Variants in GLRX3 observed in about 807,000 individuals in gnomAD.
GLRX3 encodes glutaredoxin 3.
In GLRX3, 22 loss-of-function variants were observed where a neutral mutation model predicts 49.5. The observed-to-expected ratio is 0.44, with a 90% confidence interval of 0.32 to 0.63. The LOEUF (loss-of-function observed/expected upper bound fraction) is 0.63, where lower values mean the gene tolerates loss of function less well. Among genes scored for constraint, GLRX3 ranks in the 30% least tolerant of loss-of-function variants. The probability of loss-of-function intolerance (pLI) is 0.05; values close to 1 mark genes in which losing one functional copy is unlikely to be tolerated. For synonymous variants in GLRX3, 133 were observed against 140.0 expected, an observed-to-expected ratio of 0.95 and a Z score of 0.35; for missense variants, 385 against 396.3, an observed-to-expected ratio of 0.97 and a Z score of 0.24.
intron 1 of GLRX3, among the ~76,000 whole-genome samples, chr10:130,141,034 G>T (rs1862162601): frequency 6.6e-6 from 1 of 152,258 alleles, no homozygotes; most frequent in African/African-American, 2.4e-5. Flanking sequence ...TGAATATTAT[G>T]ATTTAAACAG....
rs376488540 is a variant in GLRX3 at position 130,139,984 on chromosome 10, C to G, written c.92+3472C>G. 5.3e-5 allele frequency among the ~76,000 whole-genome samples: 8 copies of G among 152,194 alleles called. No homozygotes were observed. In the East Asian group the frequency reaches 5.8e-4, roughly 11 times the overall value. On this transcript the variant is annotated intron_variant, in intron 1 of 10. Transcript: ENST00000331244. ...TTGTGTTGATGTAATAATTTTAAAT[C>G]TACTTTCCAAATCATCGCTTCTCCA... is the stretch of plus-strand genomic sequence containing the variant.
At chr10:130,140,138 G>T (rs1862146881) in intron 1 of GLRX3, among the ~76,000 whole-genome samples, 1 of 152,184 alleles carries the variant, frequency 6.6e-6, no homozygotes, top group South Asian at 2.1e-4. Context: ...GAGTAAGCAG[G>T]TTTAGTATAT....
intron 2 of GLRX3, among the ~76,000 whole-genome samples, chr10:130,148,991 G>A (rs937483512): frequency 1.3e-5 from 2 of 152,162 alleles, no homozygotes; most frequent in African/African-American, 4.8e-5. Context: ...CCAGGAGTTA[G>A]AGGCTGCAGT....
At chr10:130,164,203 G>A (rs907188268) in intron 4 of GLRX3, among the ~76,000 whole-genome samples, 3 of 152,038 alleles carry the variant, frequency 2.0e-5, no homozygotes, top group African/African-American at 7.2e-5. Context: ...GGTCTCAGTT[G>A]AAAAGAATTG....
chr10:130,159,549 G>T (rs974694375), intron 2 of GLRX3, among the ~76,000 whole-genome samples: 1 of 152,186 alleles, frequency 6.6e-6, no homozygotes, highest in African/African-American at 2.4e-5. Flanking sequence ...TTTGCAGAAG[G>T]CTGCAACTGT....
chr10:130,158,807 G>T (rs1862524381), intron 2 of GLRX3, among the ~76,000 whole-genome samples: 1 of 151,950 alleles, frequency 6.6e-6, no homozygotes, highest in South Asian at 2.1e-4. Context: ...GACTATTGTT[G>T]ATTTTATAGA....
intron 2 of GLRX3, among the ~76,000 whole-genome samples, chr10:130,147,603 A>G (rs1862293491): frequency 6.6e-6 from 1 of 152,250 alleles, no homozygotes; most frequent in African/African-American, 2.4e-5. Flanking sequence ...AATTCACTCT[A>G]TAACATAGTT....
At chr10:130,168,414 C>A (rs1250494032) in intron 6 of GLRX3, among the ~76,000 whole-genome samples, 1 of 152,166 alleles carries the variant, frequency 6.6e-6, no homozygotes, top group Non-Finnish European at 1.5e-5. Flanking sequence ...GTGATTGATG[C>A]ATTTCATTTG....
chr10:130,166,989 T>C lies in GLRX3; in HGVS notation c.713+9T>C. 1 of 1,499,646 alleles carries C rather than the reference T, an allele frequency of 6.7e-7. No individual in the cohort carries two copies. Among genetic ancestry groups the C allele is most frequent in the Non-Finnish European group, 9.1e-7 (1 of 1,093,120 alleles). The allele number at this position is 1,499,646 out of a possible 1,614,324, so 92.9% of individuals were successfully genotyped here. ...CCCAAATTAGAGGAAAGGTAAGTGT[T>C]TTAGAAGGTTTCAAATAGCCTATCA... On this transcript the variant is annotated intron_variant, in intron 6 of 10. Transcript: ENST00000331244.
At position 130,160,811 on chromosome 10, in the gene GLRX3, G is replaced by T; in HGVS notation, c.292G>T (p.Asp98Tyr). ...TAAACTTTAGAATTCTCAGAAAATCGACCGATTAGATGGTGCACATGCCCC... is the reference window on the plus strand; with the variant it reads ...TAAACTTTAGAATTCTCAGAAAATCTACCGATTAGATGGTGCACATGCCCC... ...FLFFKNSQKI[D>Y]RLDGAHAPEL... Residue 98 changes from aspartate (D) to tyrosine (Y), a missense_variant, in exon 4 of 11, where the codon GAC becomes TAC. By Grantham distance (160) the Asp-to-Tyr change is radical. Transcript: ENST00000331244. 1 of 1,593,130 alleles carries T rather than the reference G, an allele frequency of 6.3e-7. No homozygotes were observed. Among genetic ancestry groups the T allele is most frequent in the South Asian group, 1.1e-5 (1 of 90,478 alleles).
intron 4 of GLRX3, among the ~76,000 whole-genome samples, chr10:130,162,029 T>A (rs945242672): frequency 1.3e-5 from 2 of 152,204 alleles, no homozygotes; most frequent in Non-Finnish European, 2.9e-5. Context: ...CAGGTTGGAG[T>A]GCAATGGCAC....
chr10:130,173,869 C>T (rs565445705), intron 8 of GLRX3, among the ~76,000 whole-genome samples: 3 of 152,200 alleles, frequency 2.0e-5, no homozygotes, highest in East Asian at 3.9e-4. Flanking sequence ...TAGACAGTTT[C>T]CTTGGGAACT....
At chr10:130,148,965 G>T (rs1391812509) in intron 2 of GLRX3, among the ~76,000 whole-genome samples, 1 of 152,110 alleles carries the variant, frequency 6.6e-6, no homozygotes, top group African/African-American at 2.4e-5. Context: ...GGCTGTGGTG[G>T]GAGGATTGCT....
chr10:130,169,904 C>G (rs1416968963), intron 7 of GLRX3, among the ~76,000 whole-genome samples: 1 of 152,204 alleles, frequency 6.6e-6, no homozygotes, highest in Non-Finnish European at 1.5e-5. Context: ...AGTGGAGGAG[C>G]AAACCCTGGC....
In GLRX3 at chr10:130,169,509, G is replaced by A. The variant is rs1228820820; in HGVS notation, c.771+19G>A. ...CAAACAGGTAAAGAACTCAAAAATGGTTTTATTTGTAATTTCTTTTGATGT... is the reference window on the plus strand; with the variant it reads ...CAAACAGGTAAAGAACTCAAAAATGATTTTATTTGTAATTTCTTTTGATGT... On this transcript the variant is annotated intron_variant, in intron 7 of 10. Transcript: ENST00000331244. 1.3e-6 allele frequency: 2 copies of A among 1,519,598 alleles called. No individual in the cohort carries two copies. Among genetic ancestry groups the A allele is most frequent in the Non-Finnish European group, 1.8e-6 (2 of 1,093,996 alleles). 94.1% of individuals were successfully genotyped at this position (1,519,598 alleles called of 1,614,324 possible).
intron 6 of GLRX3, 118 bp downstream of exon 6, chr10:130,167,098 G>T: frequency 1.8e-6 from 1 of 544,740 alleles, no homozygotes; most frequent in Non-Finnish European, 3.2e-6. Flanking sequence ...TATGCCAGAC[G>T]TCATAATTGT....
At chr10:130,139,367 C>T (rs1422209812) in intron 1 of GLRX3, among the ~76,000 whole-genome samples, 2 of 149,818 alleles carry the variant, frequency 1.3e-5, no homozygotes, top group Non-Finnish European at 3.0e-5. Context: ...AGGCCGGGCG[C>T]GGTGGCTCAC....
chr10:130,173,936 GTT>G (rs923219313), intron 8 of GLRX3, among the ~76,000 whole-genome samples: 1 of 151,930 alleles, frequency 6.6e-6, no homozygotes, highest in African/African-American at 2.4e-5. Flanking sequence ...GGAAAGTCCA[GTT>G]TTTTTTACAT....
chr10:130,162,430 TTTG>T (rs1862592952), intron 4 of GLRX3, among the ~76,000 whole-genome samples: 1 of 152,234 alleles, frequency 6.6e-6, no homozygotes, highest in African/African-American at 2.4e-5. Flanking sequence ...CGTTTGTTAT[TTTG>T]TTTTTAACGG....
Sources: gnomAD v4.1 joint callset for allele counts (sites outside exome capture counted in the v4.1 genomes callset) on GRCh38, gnomAD v4.1.1 for gene constraint, MANE v1.5 for transcripts, NCBI Gene and HGNC (gene_info 2026-07-23, HGNC 2026-07-21) for gene names.